Variants in TOGARAM1 observed in about 807,000 individuals in gnomAD.
TOGARAM1 encodes TOG array regulator of axonemal microtubules 1, also known as TOG array regulator of axonemal microtubules protein 1.
A neutral mutation model predicts 166.6 loss-of-function variants in TOGARAM1; 100 were observed. That is an observed-to-expected ratio of 0.60 (90% CI 0.51 to 0.71). TOGARAM1 has a LOEUF of 0.71. Ranked by LOEUF, TOGARAM1 falls within the 30% of genes least tolerant of loss-of-function variation. The probability of loss-of-function intolerance (pLI) is 0.00; values close to 1 mark genes in which losing one functional copy is unlikely to be tolerated. For missense variants in TOGARAM1, 2,029 were observed against 2,102.7 expected, an observed-to-expected ratio of 0.96 and a Z score of 0.69; for synonymous variants, 758 against 763.8, an observed-to-expected ratio of 0.99 and a Z score of 0.13.
chr14:45,009,721 G>T (rs183634215), intron 6 of TOGARAM1, among the ~76,000 whole-genome samples: 9 of 152,222 alleles, frequency 5.9e-5, no homozygotes, highest in Admixed American at 5.9e-4. Context: ...ATAGCAGTTG[G>T]ACTAACTTTT....
At chr14:45,047,773 T>A (rs1489016022) in intron 14 of TOGARAM1, among the ~76,000 whole-genome samples, 1 of 151,858 alleles carries the variant, frequency 6.6e-6, no homozygotes, top group Non-Finnish European at 1.5e-5. Flanking sequence ...TAATGATATA[T>A]GGCCGGGTGT....
At chr14:44,994,423 G>A (rs1887316002) in intron 1 of TOGARAM1, among the ~76,000 whole-genome samples, 1 of 151,754 alleles carries the variant, frequency 6.6e-6, no homozygotes. Flanking sequence ...CCAGCTGAGG[G>A]CATTCTTTTT....
In TOGARAM1 at chr14:44,962,915, G is replaced by A; in HGVS notation, c.494G>A (p.Gly165Asp). Residue 165 changes from glycine to aspartate, a missense_variant, in exon 1 of 20, where the codon GGT becomes GAT. Gly to Asp is a moderately conservative substitution (Grantham distance 94). This residue lies in a region of TOGARAM1 where 1,453 missense variants were observed against 1,432.2 expected (regional missense o/e 1.01). Transcript: ENST00000361462. ...CAACTTCTCTCGGACGTTCTCCGGG[G>A]TCAGGGGGAGGCAGGCCAGCTTGAA... ...CLQLLSDVLRGQGEAGQLEEA... is the reference protein window; with the variant it reads ...CLQLLSDVLRDQGEAGQLEEA... 1.2e-6 allele frequency: 2 copies of A among 1,614,190 alleles called. No individual in the cohort carries two copies. The highest frequency in any genetic ancestry group is 1.7e-6 in the Non-Finnish European group (2 of 1,180,038).
intron 1 of TOGARAM1, among the ~76,000 whole-genome samples, chr14:44,976,490 G>A (rs1310130467): frequency 1.3e-5 from 2 of 152,168 alleles, no homozygotes; most frequent in African/African-American, 4.8e-5. Context: ...TATACTCTGA[G>A]CACATTGAGA....
chr14:45,013,459 G>A (rs567284863), intron 7 of TOGARAM1, among the ~76,000 whole-genome samples: 3 of 152,248 alleles, frequency 2.0e-5, no homozygotes, highest in Non-Finnish European at 4.4e-5. Context: ...TAAAACTAGT[G>A]TTAACAAAGA....
chr14:45,074,005 T>C lies in TOGARAM1; in HGVS notation c.*444T>C, dbSNP rs1319963408. On this transcript the variant is annotated 3_prime_UTR_variant, in exon 20 of 20. Transcript: ENST00000361462. ...TGTTATCAGAAACTAAGTTTGTATA[T>C]TATTTGTGAAAAACATGTATTTCTG... is the stretch of plus-strand genomic sequence containing the variant. 1 of 154,740 alleles carries C rather than the reference T, an allele frequency of 6.5e-6. No individual in the cohort carries two copies. The highest frequency in any genetic ancestry group is 1.4e-5 in the Non-Finnish European group (1 of 69,550). 9.6% of individuals were successfully genotyped at this position (154,740 alleles called of 1,614,324 possible).
Position 45,025,460 on chromosome 14 carries a change from A to G in TOGARAM1, c.3239-323A>G, listed in dbSNP as rs1331452138. 3 of 186,354 alleles carry G rather than the reference A, an allele frequency of 1.6e-5. No homozygotes were observed. In the East Asian group the frequency reaches 4.7e-4, roughly 29 times the overall value. 11.5% of individuals were successfully genotyped at this position (186,354 alleles called of 1,614,324 possible). A position where few individuals can be genotyped will look rare whatever the true frequency, so the allele number is the denominator to read the frequency against. On this transcript the variant is annotated intron_variant, in intron 7 of 19. Coordinates refer to ENST00000361462, the MANE Select transcript of TOGARAM1 (RefSeq NM_001308120.2). ...GTACCTGTAATCCCAGCTACTCAGG[A>G]GGCTGAGGCAGGAGAATCGCTTGAA...
intron 7 of TOGARAM1, among the ~76,000 whole-genome samples, chr14:45,015,975 G>C (rs191345716): frequency 4.1e-4 from 62 of 151,952 alleles, no homozygotes; most frequent in African/African-American, 1.4e-3. Context: ...CAGTTTTTTC[G>C]TTTTTCATGG....
At chr14:45,049,023 A>G (rs1474270838) in intron 14 of TOGARAM1, among the ~76,000 whole-genome samples, 1 of 144,094 alleles carries the variant, frequency 6.9e-6, no homozygotes, top group Non-Finnish European at 1.5e-5. Context: ...CAAATGGTCA[A>G]TGGGTAAGGA....
intron 7 of TOGARAM1, among the ~76,000 whole-genome samples, chr14:45,018,397 G>A (rs1004535292): frequency 3.3e-5 from 5 of 151,964 alleles, no homozygotes; most frequent in Non-Finnish European, 5.9e-5. Flanking sequence ...ATGCCACCAC[G>A]CCTGGGTAAT....
At chr14:44,997,947 G>A (rs1217525488) in intron 2 of TOGARAM1, among the ~76,000 whole-genome samples, 2 of 152,120 alleles carry the variant, frequency 1.3e-5, no homozygotes, top group East Asian at 3.8e-4. Context: ...AAGGGAAAAT[G>A]GTTTAGAAGG....
At chr14:44,992,793 T>G (rs1887215871) in intron 1 of TOGARAM1, among the ~76,000 whole-genome samples, 1 of 151,372 alleles carries the variant, frequency 6.6e-6, no homozygotes. Context: ...AATTTTTGTA[T>G]TTTTTAGTAG....
chr14:45,061,983 A>T (rs991554551), intron 16 of TOGARAM1, among the ~76,000 whole-genome samples: 1 of 152,154 alleles, frequency 6.6e-6, no homozygotes, highest in Non-Finnish European at 1.5e-5. Context: ...CTGCTCTGTC[A>T]TTGAACATGC....
intron 5 of TOGARAM1, 75 bp from the exon 6 acceptor site, chr14:45,008,838 T>C (rs1359914880): frequency 2.4e-6 from 3 of 1,229,424 alleles, no homozygotes; most frequent in Non-Finnish European, 3.4e-6. Flanking sequence ...GCTAATGGAG[T>C]TTAAAATTTA....
chr14:44,988,884 A>G (rs1252960196), intron 1 of TOGARAM1, among the ~76,000 whole-genome samples: 2 of 152,218 alleles, frequency 1.3e-5, no homozygotes, highest in South Asian at 2.1e-4. Context: ...GACAGTAACC[A>G]CGTGAGTGAA....
chr14:44,969,273 TCCCAAGTAGCTGAGACTACAGG>T (rs1404884088), intron 1 of TOGARAM1, among the ~76,000 whole-genome samples: 1 of 151,220 alleles, frequency 6.6e-6, no homozygotes, highest in East Asian at 1.9e-4. Context: ...TGCCTCAGGC[TCCCAAGTAGCTGAGACTACAGG>T]CCCACACCAT....
At position 45,052,528 on chromosome 14, in the gene TOGARAM1, A is replaced by T. The variant is rs1329580370; in HGVS notation, c.4406A>T (p.Tyr1469Phe). The T allele has an allele frequency of 1.2e-6, 2 of 1,611,754 alleles. No homozygotes were observed. Among genetic ancestry groups the T allele is most frequent in the East Asian group, 4.5e-5 (2 of 44,784 alleles). Residue 1469 changes from tyrosine to phenylalanine, a missense_variant, in exon 15 of 20, where the codon TAT (tyrosine) becomes TTT (phenylalanine). Tyr to Phe is a conservative substitution (Grantham distance 22). Coordinates refer to ENST00000361462, the MANE Select transcript of TOGARAM1 (RefSeq NM_001308120.2). ...TATGTCCCATCTAAAGATTTGCCAT[A>T]TATTAAGGACTCTGTTAGAAACTTA... ...EKYVPSKDLP[Y>F]IKDSVRNLQQ...
Position 45,008,905 on chromosome 14 carries a change from T to G in TOGARAM1, c.2905-8T>G, listed in dbSNP as rs1879620444. The G allele has an allele frequency of 5.7e-6, 9 of 1,584,860 alleles. No homozygotes were observed. Among genetic ancestry groups the G allele is most frequent in the African/African-American group, 1.4e-5 (1 of 73,230 alleles). On this transcript the variant is annotated splice_polypyrimidine_tract_variant and splice_region_variant and intron_variant, in intron 5 of 19. Transcript: ENST00000361462. ...GTTATAAAGTTTATTGTTTTCATTT[T>G]TTCTTAGATGCATAGCTCTCTTAGG...
chr14:44,978,235 C>T (rs888210258), intron 1 of TOGARAM1: 11 of 152,118 alleles, frequency 7.2e-5, no homozygotes, highest in Non-Finnish European at 1.3e-4. Flanking sequence ...TTAGTTTTCT[C>T]CTCTCCTCCC....
Sources: allele counts gnomAD v4.1 joint callset (sites outside exome capture counted in the v4.1 genomes callset), GRCh38; gene constraint gnomAD v4.1.1; regional missense constraint gnomAD v4.1.1; transcripts MANE v1.5; gene names NCBI Gene and HGNC (gene_info 2026-07-23, HGNC 2026-07-21).